The following CAMK2D variants were observed in gnomAD, a reference collection of about 807,000 sequenced individuals.
The protein encoded by CAMK2D is calcium/calmodulin-dependent protein kinase type II subunit delta.
Under a neutral mutation model 84.0 loss-of-function variants are expected in CAMK2D, and 37 were observed. The observed-to-expected ratio is 0.44, with a 90% CI of 0.34 to 0.58. CAMK2D has a LOEUF of 0.58. Ranked by LOEUF, CAMK2D falls within the 20% of genes least tolerant of loss-of-function variation. CAMK2D has a pLI of 0.02. For missense variants in CAMK2D, 448 were observed against 652.5 expected (o/e 0.69, Z 3.41); for synonymous variants, 202 against 212.5 (o/e 0.95, Z 0.43).
intron 4 of CAMK2D, among the ~76,000 whole-genome samples, chr4:113,590,760 T>C (rs1266468054): frequency 2.0e-5 from 3 of 152,096 alleles, no homozygotes; most frequent in Non-Finnish European, 4.4e-5. Context: ...AAAAGTAACA[T>C]CTTACTTAAA....
At chr4:113,657,903 A>G (rs897984212) in intron 3 of CAMK2D, among the ~76,000 whole-genome samples, 1 of 152,220 alleles carries the variant, frequency 6.6e-6, no homozygotes, top group Non-Finnish European at 1.5e-5. Context: ...AGGAAATAAT[A>G]AAATAGAGAA....
chr4:113,719,328 C>T (rs917986798), intron 2 of CAMK2D, among the ~76,000 whole-genome samples: 18 of 152,126 alleles, frequency 1.2e-4, no homozygotes, highest in Admixed American at 1.2e-3. Context: ...TGGTAAGTCC[C>T]CTCTGCTTTA....
chr4:113,556,055 T>C (rs2098662554), intron 4 of CAMK2D, among the ~76,000 whole-genome samples: 1 of 152,148 alleles, frequency 6.6e-6, no homozygotes, highest in African/African-American at 2.4e-5. Flanking sequence ...CTGTGAGAAA[T>C]GTCTGTTGTT....
intron 2 of CAMK2D, among the ~76,000 whole-genome samples, chr4:113,686,263 C>T (rs1054799951): frequency 6.6e-6 from 1 of 152,106 alleles, no homozygotes; most frequent in African/African-American, 2.4e-5. Context: ...TTGTCCTTTA[C>T]TATCTTTGTA....
In CAMK2D at chr4:113,647,880, A is replaced by G. The variant is rs111960285; in HGVS notation, c.220+13833T>C. On this transcript the variant is annotated intron_variant, in intron 3 of 20. Transcript: ENST00000511664. ...AGAAAAGGTCACTGGAATAATCAAC[A>G]CATATGAGAATAACATTTGAAAACC... Among the ~76,000 whole-genome samples the G allele has an allele frequency of 1.5e-3, 223 of 152,364 alleles. 4 individuals carry two copies. The highest frequency in any genetic ancestry group is 4.6e-3 in the African/African-American group (193 of 41,580).
chr4:113,615,474 T>C (rs1266929232), intron 3 of CAMK2D, among the ~76,000 whole-genome samples: 2 of 152,040 alleles, frequency 1.3e-5, no homozygotes, highest in African/African-American at 4.8e-5. Context: ...ACTTTTCAAA[T>C]AGAAAACACA....
intron 3 of CAMK2D, among the ~76,000 whole-genome samples, chr4:113,629,208 C>T (rs1030464245): frequency 9.9e-5 from 15 of 151,980 alleles, no homozygotes; most frequent in African/African-American, 3.6e-4. Context: ...CCTCGGAAAA[C>T]CTTTTAGAAA....
intron 4 of CAMK2D, among the ~76,000 whole-genome samples, chr4:113,589,825 A>G (rs75264512): frequency 0.053 from 7,992 of 152,196 alleles, 292 homozygotes; most frequent in Non-Finnish European, 0.082. Flanking sequence ...ATACTGGATG[A>G]GATTCTTAAG....
chr4:113,495,002 C>A lies in CAMK2D; in HGVS notation c.1135+5461G>T, dbSNP rs1214262135. On this transcript the variant is annotated intron_variant, in intron 16 of 20. Coordinates refer to ENST00000511664, the MANE Select transcript of CAMK2D (RefSeq NM_001321571.2). ...CAATGCCTTGCCCTGCTTCGGCTCA[C>A]GCACGGTGCGCGCACCCACTGACCT... Among the ~76,000 whole-genome samples the A allele has an allele frequency of 5.3e-5, 8 of 152,190 alleles. 1 individual carries two copies. Among genetic ancestry groups the A allele is most frequent in the South Asian group, 4.1e-4 (2 of 4,836 alleles).
chr4:113,719,956 T>C (rs1239298824), intron 2 of CAMK2D, among the ~76,000 whole-genome samples: 1 of 152,234 alleles, frequency 6.6e-6, no homozygotes, highest in East Asian at 1.9e-4. Flanking sequence ...TTAAAACCCT[T>C]CAGGCTCCTA....
At chr4:113,742,329 C>T (rs116623074) in intron 2 of CAMK2D, among the ~76,000 whole-genome samples, 2,337 of 152,012 alleles carry the variant, frequency 0.015, 62 homozygotes, top group African/African-American at 0.053. Context: ...GGGGAAGGTA[C>T]AAAGAAGATG....
At chr4:113,556,788 G>A (rs1342954631) in intron 4 of CAMK2D, among the ~76,000 whole-genome samples, 1 of 152,152 alleles carries the variant, frequency 6.6e-6, no homozygotes, top group Non-Finnish European at 1.5e-5. Flanking sequence ...CATGTTCTAA[G>A]ATATAAAGTA....
At chr4:113,724,109 T>A (rs2099539090) in intron 2 of CAMK2D, among the ~76,000 whole-genome samples, 1 of 152,104 alleles carries the variant, frequency 6.6e-6, no homozygotes, top group Non-Finnish European at 1.5e-5. Flanking sequence ...TTTATTCATG[T>A]GAACTGTTAA....
Position 113,735,287 on chromosome 4 carries a change from AG to A in CAMK2D, c.160+24032del, listed in dbSNP as rs200898552. On this transcript the variant is annotated intron_variant, in intron 2 of 20. Transcript: ENST00000511664. ...GCCAACATGGCAAAACCATCTCTAC[AG>A]GAAAAAAAAAAAAAAAAAAAAAAAA... Among the ~76,000 whole-genome samples the A allele has an allele frequency of 2.8e-3, 264 of 92,738 alleles. 41 individuals carry two copies. Among genetic ancestry groups the A allele is most frequent in the African/African-American group, 0.015 (229 of 15,346 alleles). The allele number at this position is 92,738 out of a possible 152,430, so 60.8% of individuals were successfully genotyped here.
At chr4:113,711,368 T>C (rs1216074975) in intron 2 of CAMK2D, among the ~76,000 whole-genome samples, 1 of 151,846 alleles carries the variant, frequency 6.6e-6, no homozygotes, top group Non-Finnish European at 1.5e-5. Flanking sequence ...ACTGTCTCAA[T>C]GGAAACTGTA....
At chr4:113,605,740 A>C (rs1383139638) in intron 4 of CAMK2D, among the ~76,000 whole-genome samples, 5 of 152,222 alleles carry the variant, frequency 3.3e-5, no homozygotes, top group African/African-American at 1.2e-4. Context: ...CCTAGCCATA[A>C]GGAACCACCA....
intron 2 of CAMK2D, 105 bp downstream of exon 2, chr4:113,759,215 G>A: frequency 1.6e-6 from 1 of 626,902 alleles, no homozygotes; most frequent in Middle Eastern, 2.8e-4. Flanking sequence ...TGATACCTAA[G>A]TCTAAAGTTC....
At chr4:113,661,851 A>G in intron 2 of CAMK2D, 79 bp from the exon 3 acceptor site, 1 of 701,452 alleles carries the variant, frequency 1.4e-6, no homozygotes, top group Non-Finnish European at 2.5e-6. Context: ...ACAAAATGAC[A>G]AAAGGCCTTT....
At chr4:113,520,476 ATGAG>A (rs1025654752) in intron 8 of CAMK2D, among the ~76,000 whole-genome samples, 2 of 152,202 alleles carry the variant, frequency 1.3e-5, no homozygotes, top group African/African-American at 4.8e-5. Context: ...TTCTTGCCTC[ATGAG>A]TAAGCCCAAT....
Sources: allele counts gnomAD v4.1 joint callset (sites outside exome capture counted in the v4.1 genomes callset), GRCh38; gene constraint gnomAD v4.1.1; transcripts MANE v1.5; gene names NCBI Gene and HGNC (gene_info 2026-07-23, HGNC 2026-07-21).